Variants in SEMA6D observed in about 807,000 individuals in gnomAD.
The protein encoded by SEMA6D is semaphorin 6D, also known as semaphorin-6D.
In SEMA6D, 35 loss-of-function variants were observed where a neutral mutation model predicts 106.6. That is an observed-to-expected ratio of 0.33 (90% confidence interval 0.25 to 0.44). The LOEUF (loss-of-function observed/expected upper bound fraction) is 0.44. SEMA6D is among the 20% of genes least tolerant of loss of function. The pLI is 1.00. For missense variants in SEMA6D, 1,185 were observed against 1,345.9 expected (o/e 0.88, Z 1.87); for synonymous variants, 499 against 487.7 (o/e 1.02, Z -0.31).
chr15:47,565,709 A>G (rs2046211436), intron 3 of SEMA6D, among the ~76,000 whole-genome samples: 2 of 152,232 alleles, frequency 1.3e-5, no homozygotes, highest in Non-Finnish European at 2.9e-5. Flanking sequence ...TGTGTAGTAC[A>G]TAACATATTG....
At chr15:47,566,672 A>G (rs1055915599) in intron 3 of SEMA6D, among the ~76,000 whole-genome samples, 3 of 152,236 alleles carry the variant, frequency 2.0e-5, no homozygotes, top group African/African-American at 2.4e-5. Flanking sequence ...TACAGATTGC[A>G]TGACTGTGAG....
chr15:47,245,721 ATGCTT>A (rs2033159412), intron 1 of SEMA6D, among the ~76,000 whole-genome samples: 1 of 152,204 alleles, frequency 6.6e-6, no homozygotes, highest in Non-Finnish European at 1.5e-5. Flanking sequence ...GATCTTTGTG[ATGCTT>A]ATTCTGAAAT....
intron 4 of SEMA6D, among the ~76,000 whole-genome samples, chr15:47,612,476 G>A (rs2076926622): frequency 6.6e-6 from 1 of 152,288 alleles, no homozygotes; most frequent in African/African-American, 2.4e-5. Context: ...GGTGTAAGAA[G>A]CTCTTATCCA....
chr15:47,220,379 A>G (rs1456069641), intron 1 of SEMA6D, among the ~76,000 whole-genome samples: 1 of 152,148 alleles, frequency 6.6e-6, no homozygotes, highest in Admixed American at 6.6e-5. Flanking sequence ...ACAATGGTTT[A>G]TTTGTAATAT....
intron 1 of SEMA6D, among the ~76,000 whole-genome samples, chr15:47,399,213 G>T (rs146240297): frequency 1.3e-5 from 2 of 152,064 alleles, no homozygotes; most frequent in South Asian, 2.1e-4. Context: ...AATAAAAGAG[G>T]TTAAGTGATT....
rs1567042573 is a variant in SEMA6D at position 47,384,814 on chromosome 15, G to GTTTTTTTGTT, written c.-238-27572_-238-27571insGTTTTTTTTT. On this transcript the variant is annotated intron_variant, in intron 1 of 19. Coordinates refer to the SEMA6D transcript ENST00000558014. ...TCAGAATTAACATTTGATTACTAAA[G>GTTTTTTTGTT]TTTTTTTTTTTTTTTTTTTTTTTTT... Among the ~76,000 whole-genome samples, 10 of 65,698 alleles carry GTTTTTTTGTT rather than the reference G, an allele frequency of 1.5e-4. 1 individual carries two copies. Among genetic ancestry groups the GTTTTTTTGTT allele is most frequent in the Admixed American group, 9.3e-4 (4 of 4,292 alleles). The allele number at this position is 65,698 out of a possible 152,430, so 43.1% of individuals were successfully genotyped here.
intron 1 of SEMA6D, among the ~76,000 whole-genome samples, chr15:47,217,743 ATTAAAG>A (rs1045071298): frequency 6.6e-6 from 1 of 151,662 alleles, no homozygotes; most frequent in Non-Finnish European, 1.5e-5. Context: ...ATTTCACTTA[ATTAAAG>A]TTAAATATAT....
chr15:47,202,760 T>C (rs1233819878), intron 1 of SEMA6D, among the ~76,000 whole-genome samples: 1 of 152,154 alleles, frequency 6.6e-6, no homozygotes, highest in African/African-American at 2.4e-5. Context: ...CTTACGCCCC[T>C]CAATTGAATT....
intron 1 of SEMA6D, among the ~76,000 whole-genome samples, chr15:47,718,222 G>A (rs1220848986): frequency 6.6e-6 from 1 of 152,194 alleles, no homozygotes; most frequent in Non-Finnish European, 1.5e-5. Flanking sequence ...GGGCTTAGCC[G>A]CCCCCTCCCG....
At chr15:47,354,205 A>C (rs1488781608) in intron 1 of SEMA6D, among the ~76,000 whole-genome samples, 13,306 of 45,836 alleles carry the variant, frequency 0.29, 1,543 homozygotes, top group African/African-American at 0.43. Context: ...CTCTCTATAT[A>C]TATATATATA....
chr15:47,279,644 T>C (rs2035011763), intron 1 of SEMA6D, among the ~76,000 whole-genome samples: 1 of 152,050 alleles, frequency 6.6e-6, no homozygotes, highest in Admixed American at 6.5e-5. Context: ...GTCCATTCAC[T>C]ATGATATTGG....
chr15:47,453,090 G>A (rs1302683284), intron 2 of SEMA6D, among the ~76,000 whole-genome samples: 1 of 151,796 alleles, frequency 6.6e-6, no homozygotes, highest in Non-Finnish European at 1.5e-5. Context: ...TTTCAAAATT[G>A]AAATGATTTT....
chr15:47,739,802 A>G (rs1471530039), intron 1 of SEMA6D, among the ~76,000 whole-genome samples: 1 of 152,226 alleles, frequency 6.6e-6, no homozygotes, highest in Non-Finnish European at 1.5e-5. Flanking sequence ...AGAAAAGGTT[A>G]GAATATGACA....
At chr15:47,632,011 T>A (rs994862307) in intron 4 of SEMA6D, among the ~76,000 whole-genome samples, 10 of 152,048 alleles carry the variant, frequency 6.6e-5, no homozygotes, top group African/African-American at 1.2e-4. Flanking sequence ...CTATTTTTTT[T>A]AAAATTTCCT....
chr15:47,569,461 G>A (rs1369363310), intron 3 of SEMA6D, among the ~76,000 whole-genome samples: 5 of 152,100 alleles, frequency 3.3e-5, no homozygotes, highest in South Asian at 2.1e-4. Flanking sequence ...AGGTCATTCC[G>A]TGGATCCTGA....
intron 1 of SEMA6D, among the ~76,000 whole-genome samples, chr15:47,204,962 G>A (rs1167141539): frequency 6.6e-6 from 1 of 152,084 alleles, no homozygotes; most frequent in African/African-American, 2.4e-5. Context: ...CTGTAAAAAT[G>A]TCAGATTTAT....
At chr15:47,599,220 A>C (rs1036705812) in intron 3 of SEMA6D, among the ~76,000 whole-genome samples, 2 of 152,130 alleles carry the variant, frequency 1.3e-5, no homozygotes, top group African/African-American at 4.8e-5. Context: ...TGGCCAAATA[A>C]ATAGAAGAGG....
rs116137044 is a variant in SEMA6D at position 47,465,008 on chromosome 15, A to G, written c.-158-5466A>G. ...GATAAATTAAAGTGAGCCTCAAGCT[A>G]GAATACTCTGTTTCTCTCCTGTTAC... On this transcript the variant is annotated intron_variant, in intron 2 of 19. Transcript: ENST00000558014. 6.5e-3 allele frequency among the ~76,000 whole-genome samples: 997 copies of G among 152,286 alleles called. 10 individuals carry two copies. Among genetic ancestry groups the G allele is most frequent in the African/African-American group, 0.023 (957 of 41,582 alleles).
chr15:47,536,072 T>C (rs2142131823), intron 3 of SEMA6D, among the ~76,000 whole-genome samples: 1 of 152,258 alleles, frequency 6.6e-6, no homozygotes, highest in East Asian at 1.9e-4. Context: ...TTTAACTGCT[T>C]TGGAAAGATT....
Sources: gnomAD v4.1 joint callset for allele counts (sites outside exome capture counted in the v4.1 genomes callset) on GRCh38, gnomAD v4.1.1 for gene constraint, MANE v1.5 for transcripts, NCBI Gene and HGNC (gene_info 2026-07-23, HGNC 2026-07-21) for gene names.